CACHD1: variants seen among roughly 807,000 people sequenced by gnomAD.
CACHD1 encodes cache domain containing 1, also known as VWFA and cache domain-containing protein 1.
CACHD1 carries 71 observed loss-of-function variants against 138.7 expected under a neutral mutation model. The observed-to-expected ratio is 0.51, with a 90% CI of 0.42 to 0.62. The LOEUF is 0.62. Among genes scored for constraint, CACHD1 ranks in the 20% least tolerant of loss-of-function variants. The pLI is 0.00. For missense variants in CACHD1, 1,389 were observed against 1,625.3 expected, an observed-to-expected ratio of 0.85 and a Z score of 2.50; for synonymous variants, 578 against 591.5, an observed-to-expected ratio of 0.98 and a Z score of 0.33.
intron 2 of CACHD1, among the ~76,000 whole-genome samples, chr1:64,551,923 G>A (rs896781795): frequency 5.3e-5 from 8 of 152,120 alleles, no homozygotes; most frequent in Non-Finnish European, 1.2e-4. Flanking sequence ...CATAATTCCT[G>A]TCTTATTTTT....
At chr1:64,659,598 T>C (rs1649378804) in intron 13 of CACHD1, among the ~76,000 whole-genome samples, 1 of 152,212 alleles carries the variant, frequency 6.6e-6, no homozygotes, top group Non-Finnish European at 1.5e-5. Context: ...TTACCAAAGA[T>C]AATTTTCCCC....
intron 3 of CACHD1, among the ~76,000 whole-genome samples, chr1:64,588,729 T>C (rs958665253): frequency 6.6e-6 from 1 of 152,230 alleles, no homozygotes; most frequent in African/African-American, 2.4e-5. Flanking sequence ...TCTATTTCTT[T>C]CCCCAATTTC....
intron 4 of CACHD1, among the ~76,000 whole-genome samples, chr1:64,603,954 A>G (rs1273684220): frequency 1.3e-5 from 2 of 152,206 alleles, no homozygotes; most frequent in African/African-American, 4.8e-5. Context: ...AATCTAAAGC[A>G]CGGGAACCCC....
At chr1:64,520,727 C>G (rs568261577) in intron 1 of CACHD1, among the ~76,000 whole-genome samples, 1 of 152,262 alleles carries the variant, frequency 6.6e-6, no homozygotes, top group East Asian at 1.9e-4. Context: ...TCCACATACT[C>G]GGAACCATGT....
intron 1 of CACHD1, among the ~76,000 whole-genome samples, chr1:64,540,373 G>C (rs1426871178): frequency 2.0e-5 from 3 of 151,162 alleles, no homozygotes; most frequent in Admixed American, 2.0e-4. Flanking sequence ...GTGGAAATTT[G>C]GCACCATCTG....
intron 4 of CACHD1, among the ~76,000 whole-genome samples, chr1:64,620,060 TTGGCACCC>T (rs1393447616): frequency 6.6e-6 from 1 of 152,174 alleles, no homozygotes. Context: ...TATTATCTGC[TTGGCACCC>T]TGGGAATTTT....
At chr1:64,687,352 G>A (rs926508202) in intron 26 of CACHD1, among the ~76,000 whole-genome samples, 1 of 152,108 alleles carries the variant, frequency 6.6e-6, no homozygotes, top group Non-Finnish European at 1.5e-5. Context: ...CTTCTCCCCT[G>A]ACCTCTTCAG....
chr1:64,668,058 G>A (rs1238668375), intron 16 of CACHD1, among the ~76,000 whole-genome samples: 1 of 152,086 alleles, frequency 6.6e-6, no homozygotes, highest in African/African-American at 2.4e-5. Context: ...GCCGGGCACA[G>A]TGGCTCATGC....
chr1:64,632,766 C>T, intron 6 of CACHD1, 23 bp downstream of exon 6: 1 of 1,613,620 alleles, frequency 6.2e-7, no homozygotes, highest in South Asian at 1.1e-5. Context: ...CTTGTGACCC[C>T]TATGGCATCA....
At chr1:64,668,115 T>G (rs183900318) in intron 16 of CACHD1, among the ~76,000 whole-genome samples, 1 of 151,276 alleles carries the variant, frequency 6.6e-6, no homozygotes, top group East Asian at 2.0e-4. Flanking sequence ...GATCATGAGG[T>G]CAGAAGTTCA....
chr1:64,546,340 C>CTT (rs35048029), intron 1 of CACHD1, among the ~76,000 whole-genome samples: 68 of 146,216 alleles, frequency 4.7e-4, no homozygotes, highest in African/African-American at 1.5e-3. Flanking sequence ...TTTTCGTTTA[C>CTT]TTTTTTTTTT....
intron 7 of CACHD1, among the ~76,000 whole-genome samples, chr1:64,637,960 T>C (rs1014840740): frequency 6.6e-6 from 1 of 152,206 alleles, no homozygotes; most frequent in Non-Finnish European, 1.5e-5. Flanking sequence ...TATATTGTTT[T>C]ATTTTCTCCA....
intron 4 of CACHD1, among the ~76,000 whole-genome samples, chr1:64,605,848 C>T (rs1647320502): frequency 6.6e-6 from 1 of 152,142 alleles, no homozygotes; most frequent in South Asian, 2.1e-4. Context: ...AGTAGTGTTA[C>T]TTTTTCTTAG....
chr1:64,535,355 T>TCCCGG (rs1646623843), intron 1 of CACHD1, among the ~76,000 whole-genome samples: 2 of 151,518 alleles, frequency 1.3e-5, no homozygotes, highest in African/African-American at 4.9e-5. Flanking sequence ...GATAGAGTTT[T>TCCCGG]GCTCTTGTTG....
chr1:64,658,901 C>T (rs1175810148), intron 13 of CACHD1, 28 bp downstream of exon 13: 1 of 1,514,446 alleles, frequency 6.6e-7, no homozygotes, highest in Admixed American at 2.1e-5. Flanking sequence ...CCTTCACATT[C>T]TTACTCTTAG....
intron 1 of CACHD1, among the ~76,000 whole-genome samples, chr1:64,489,538 A>C (rs1273812675): frequency 7.9e-5 from 12 of 152,212 alleles, no homozygotes; most frequent in African/African-American, 2.9e-4. Flanking sequence ...AGGCCAACTC[A>C]CAAAAGCCTG....
At chr1:64,598,307 A>T (rs1647175358) in intron 3 of CACHD1, among the ~76,000 whole-genome samples, 1 of 152,162 alleles carries the variant, frequency 6.6e-6, no homozygotes, top group African/African-American at 2.4e-5. Context: ...AGTGAGGTTG[A>T]TTTCTAGGCT....
rs1012278314 is a variant in CACHD1, at chr1:64,658,558, C to G, written c.1783-147C>G. On this transcript the variant is annotated intron_variant, in intron 12 of 26. Coordinates refer to ENST00000651257, the MANE Select transcript of CACHD1 (RefSeq NM_020925.4). ...TAGATACCTTCTATCACCCTATCCTCATGTCTTCATTCATTCATCCCATAT... is the reference window on the plus strand; with the variant it reads ...TAGATACCTTCTATCACCCTATCCTGATGTCTTCATTCATTCATCCCATAT... 1.2e-5 allele frequency: 7 copies of G among 573,476 alleles called. No homozygotes were observed. In the African/African-American group the frequency reaches 1.3e-4, roughly 11 times the overall value. The allele number at this position is 573,476 out of a possible 1,614,324, so 35.5% of individuals were successfully genotyped here.
chr1:64,678,605 G>A (rs984504669), intron 23 of CACHD1, among the ~76,000 whole-genome samples: 9 of 152,184 alleles, frequency 5.9e-5, no homozygotes, highest in Non-Finnish European at 1.2e-4. Context: ...GAGTCTGTTT[G>A]GATATGCACG....
Sources: allele counts gnomAD v4.1 joint callset (sites outside exome capture counted in the v4.1 genomes callset), GRCh38; gene constraint gnomAD v4.1.1; transcripts MANE v1.5; gene names NCBI Gene and HGNC (gene_info 2026-07-23, HGNC 2026-07-21).